Variants in ATAD2B observed in about 807,000 individuals in gnomAD.
ATAD2B encodes ATPase family AAA domain containing 2B.
A neutral mutation model predicts 167.6 loss-of-function variants in ATAD2B; 40 were observed. That is an observed-to-expected ratio of 0.24 (90% CI 0.19 to 0.31). The LOEUF (loss-of-function observed/expected upper bound fraction) is 0.31. ATAD2B is among the 10% of genes least tolerant of loss of function. The probability of loss-of-function intolerance (pLI) is 1.00; values close to 1 mark genes in which losing one functional copy is unlikely to be tolerated. For missense variants in ATAD2B, 1,242 were observed against 1,757.2 expected (o/e 0.71, Z 5.24); for synonymous variants, 579 against 596.5 (o/e 0.97, Z 0.43).
intron 12 of ATAD2B, among the ~76,000 whole-genome samples, chr2:23,860,928 G>T (rs542216901): frequency 6.6e-6 from 1 of 152,042 alleles, no homozygotes; most frequent in African/African-American, 2.4e-5. Flanking sequence ...CCAAGATCAC[G>T]CCATTGCACT....
intron 9 of ATAD2B, among the ~76,000 whole-genome samples, chr2:23,868,419 G>T (rs1198156372): frequency 6.6e-6 from 1 of 152,132 alleles, no homozygotes; most frequent in Non-Finnish European, 1.5e-5. Flanking sequence ...TCCCACCTCA[G>T]CCTTCCAAAT....
At chr2:23,872,449 C>T (rs537801727) in intron 8 of ATAD2B, 58 of 727,364 alleles carry the variant, frequency 8.0e-5, no homozygotes, top group Non-Finnish European at 4.8e-5. Context: ...GAGGCTGTTG[C>T]CATGCACTGC....
At chr2:23,894,720 A>G (rs1055422294) in intron 2 of ATAD2B, among the ~76,000 whole-genome samples, 1 of 152,242 alleles carries the variant, frequency 6.6e-6, no homozygotes, top group African/African-American at 2.4e-5. Context: ...TAATGTAATT[A>G]CATGGCAGTA....
chr2:23,895,365 C>G (rs1392171361), intron 2 of ATAD2B, among the ~76,000 whole-genome samples: 1 of 151,954 alleles, frequency 6.6e-6, no homozygotes, highest in African/African-American at 2.4e-5. Flanking sequence ...TTGATACATA[C>G]TGAACCAGAC....
chr2:23,758,186 G>A, intron 24 of ATAD2B, 85 bp from the exon 25 acceptor site: 3 of 1,133,914 alleles, frequency 2.6e-6, no homozygotes, highest in Non-Finnish European at 3.7e-6. Flanking sequence ...GGACCCAAAA[G>A]AAAGTAAACC....
intron 13 of ATAD2B, among the ~76,000 whole-genome samples, chr2:23,848,227 G>A (rs1028275254): frequency 6.6e-6 from 1 of 152,054 alleles, no homozygotes; most frequent in African/African-American, 2.4e-5. Flanking sequence ...ACAAGGCCAG[G>A]CACAATGGCT....
At chr2:23,703,768 G>A in the ATAD2B span, 1 of 1,537,364 alleles carries the variant, frequency 6.5e-7, no homozygotes, top group African/African-American at 1.4e-5. Context: ...TTTTCATCCT[G>A]GGCGGGGCTT....
At chr2:23,862,351 A>G (rs1460381503) in intron 12 of ATAD2B, among the ~76,000 whole-genome samples, 1 of 151,500 alleles carries the variant, frequency 6.6e-6, no homozygotes, top group Non-Finnish European at 1.5e-5. Context: ...AAATATGAAC[A>G]GCATCCTTCA....
chr2:23,819,842 A>C lies in ATAD2B; in HGVS notation c.2172T>G (p.Asn724Lys). Residue 724 changes from asparagine (N) to lysine (K), a missense_variant, in exon 17 of 28, where the codon AAT (asparagine) becomes AAG (lysine). Transcript: ENST00000238789. Reference sequence around the variant, plus strand: ...AATTGGTCTCAAAAATTGATAAAGCATTTTCATCTTCACTATCCTCTAAAA... The same window carrying C: ...AATTGGTCTCAAAAATTGATAAAGCCTTTTCATCTTCACTATCCTCTAAAA... ...TLILEDSEDENALSIFETNCH... is the reference protein window; with the variant it reads ...TLILEDSEDEKALSIFETNCH... The C allele has an allele frequency of 6.3e-7, 1 of 1,591,012 alleles. No individual in the cohort carries two copies. The highest frequency in any genetic ancestry group is 1.1e-5 in the South Asian group (1 of 90,330).
intron 8 of ATAD2B, among the ~76,000 whole-genome samples, 158 bp downstream of exon 8, chr2:23,875,671 T>A (rs1696718488): frequency 6.6e-6 from 1 of 152,230 alleles, no homozygotes; most frequent in Non-Finnish European, 1.5e-5. Flanking sequence ...CTTTAGTGAA[T>A]GTAACTGTTA....
chr2:23,801,188 T>C (rs1357002193), intron 18 of ATAD2B, among the ~76,000 whole-genome samples: 1 of 151,930 alleles, frequency 6.6e-6, no homozygotes, highest in Non-Finnish European at 1.5e-5. Flanking sequence ...AAGAACAGAG[T>C]TTGAGAATAG....
At chr2:23,712,451 C>T in the ATAD2B span, among the ~76,000 whole-genome samples, 3 of 152,268 alleles carry the variant, frequency 2.0e-5, no homozygotes, top group South Asian at 2.1e-4. Flanking sequence ...CATCCACTGC[C>T]GCCTCATTAG....
In ATAD2B at chr2:23,802,264, A is replaced by G. The variant is rs1055962521; in HGVS notation, c.2455-3941T>C. 1.7e-4 allele frequency among the ~76,000 whole-genome samples: 26 copies of G among 152,176 alleles called. 2 individuals carry two copies. Among genetic ancestry groups the G allele is most frequent in the Admixed American group, 1.5e-3 (23 of 15,280 alleles). ...TAAGTTTAATTCTTTGTGCCATGCTATCAGAAATTATTAAAATAAATAACA... is the reference window on the plus strand; with the variant it reads ...TAAGTTTAATTCTTTGTGCCATGCTGTCAGAAATTATTAAAATAAATAACA... On this transcript the variant is annotated intron_variant, in intron 18 of 27. Transcript: ENST00000238789.
At chr2:23,787,890 T>C (rs146639865) in intron 20 of ATAD2B, among the ~76,000 whole-genome samples, 97 of 152,176 alleles carry the variant, frequency 6.4e-4, no homozygotes, top group East Asian at 3.9e-4. Flanking sequence ...GCCCTTACTA[T>C]GTCAAGGAAC....
the ATAD2B span, among the ~76,000 whole-genome samples, chr2:23,743,055 C>T: frequency 1.3e-5 from 2 of 151,874 alleles, no homozygotes; most frequent in Admixed American, 1.3e-4. Context: ...CAGAAAAGCA[C>T]CGACTTCTCA....
chr2:23,874,994 T>G (rs1391614277), intron 8 of ATAD2B, among the ~76,000 whole-genome samples: 1 of 144,314 alleles, frequency 6.9e-6, no homozygotes, highest in Non-Finnish European at 1.5e-5. Flanking sequence ...AGGTGGAGCT[T>G]GCAGCGACCC....
the ATAD2B span, chr2:23,689,635 A>C: frequency 6.6e-6 from 1 of 152,422 alleles, no homozygotes; most frequent in African/African-American, 2.4e-5. Flanking sequence ...TGAAGGCAGC[A>C]GTGACTGGGG....
chr2:23,780,781 T>G (rs1679904591), intron 22 of ATAD2B, among the ~76,000 whole-genome samples: 1 of 151,990 alleles, frequency 6.6e-6, no homozygotes, highest in Admixed American at 6.5e-5. Flanking sequence ...GTGCCTGTAG[T>G]CCCAGCTACT....
the ATAD2B span, among the ~76,000 whole-genome samples, chr2:23,729,234 G>A: frequency 3.3e-5 from 5 of 152,202 alleles, no homozygotes; most frequent in African/African-American, 1.2e-4. Context: ...TGAATTTTGT[G>A]GGAGGCTATT....
Sources: allele counts gnomAD v4.1 joint callset (sites outside exome capture counted in the v4.1 genomes callset), GRCh38; gene constraint gnomAD v4.1.1; transcripts MANE v1.5; gene names NCBI Gene and HGNC (gene_info 2026-07-23, HGNC 2026-07-21).